Variants in NINL observed in about 807,000 individuals in gnomAD.
NINL encodes the protein ninein like.
Under a neutral mutation model 160.3 loss-of-function variants are expected in NINL, and 153 were observed. The ratio of observed to expected loss-of-function variants is 0.95; its 90% CI spans 0.84 to 1.09. NINL has a LOEUF of 1.09. Among genes scored for constraint, NINL ranks in the 50% least tolerant of loss-of-function variants. The probability of loss-of-function intolerance (pLI) is 0.00; values close to 1 mark genes in which losing one functional copy is unlikely to be tolerated. For synonymous variants in NINL, 800 were observed against 734.8 expected (o/e 1.09, Z -1.43); for missense variants, 1,829 against 1,764.0 (o/e 1.04, Z -0.66).
At chr20:25,490,515 A>G (rs2063606654) in intron 11 of NINL, among the ~76,000 whole-genome samples, 1 of 149,846 alleles carries the variant, frequency 6.7e-6, no homozygotes, top group Non-Finnish European at 1.5e-5. Context: ...AGTGGAGATC[A>G]TGCCACTGCA....
At chr20:25,509,262 G>A (rs371888009) in intron 5 of NINL, among the ~76,000 whole-genome samples, 61 of 152,178 alleles carry the variant, frequency 4.0e-4, no homozygotes, top group African/African-American at 1.3e-3. Flanking sequence ...CAACCCCTCC[G>A]AGACTGTCCT....
chr20:25,488,479 C>G (rs2063550831), intron 13 of NINL, among the ~76,000 whole-genome samples: 1 of 152,116 alleles, frequency 6.6e-6, no homozygotes, highest in Admixed American at 6.5e-5. Context: ...CCGCCTCGGC[C>G]TCCCAAAGTG....
chr20:25,460,588 G>C (rs1483377138), intron 21 of NINL, among the ~76,000 whole-genome samples: 4 of 152,176 alleles, frequency 2.6e-5, no homozygotes, highest in Admixed American at 6.5e-5. Context: ...CTCAAAAGTA[G>C]AGAAGGGTGC....
Position 25,503,918 on chromosome 20 carries a change from T to C in NINL, c.861+34A>G. On this transcript the variant is annotated intron_variant, in intron 7 of 23. Transcript: ENST00000278886. ...AGTCACCAGAGAGTGACAGCAGTGG[T>C]TGCTGGGTTCAGGATTTAACTGTTG... The C allele has an allele frequency of 2.5e-6, 4 of 1,613,588 alleles. No homozygotes were observed. In the East Asian group the frequency reaches 6.7e-5, roughly 27 times the overall value.
intron 3 of NINL, among the ~76,000 whole-genome samples, chr20:25,516,656 C>T (rs754297896): frequency 3.3e-5 from 5 of 152,106 alleles, no homozygotes; most frequent in Non-Finnish European, 5.9e-5. Context: ...AGTAGGGAGC[C>T]CTTTCACATC....
chr20:25,575,952 A>G (rs2065110611), intron 1 of NINL, among the ~76,000 whole-genome samples: 1 of 152,124 alleles, frequency 6.6e-6, no homozygotes, highest in Non-Finnish European at 1.5e-5. Context: ...GAAATCGGGT[A>G]TCAGACTTTG....
intron 2 of NINL, among the ~76,000 whole-genome samples, chr20:25,520,963 T>G (rs934521055): frequency 1.3e-5 from 2 of 152,240 alleles, no homozygotes; most frequent in Non-Finnish European, 2.9e-5. Flanking sequence ...ACGCCAGGTA[T>G]AGATGTCTCT....
chr20:25,503,001 C>T (rs994144948), intron 7 of NINL, among the ~76,000 whole-genome samples: 19 of 152,216 alleles, frequency 1.2e-4, no homozygotes, highest in Non-Finnish European at 2.4e-4. Context: ...ATGGGGAGGA[C>T]GGGAGGGAGT....
chr20:25,579,762 G>T (rs2065152393), intron 1 of NINL, among the ~76,000 whole-genome samples: 1 of 152,200 alleles, frequency 6.6e-6, no homozygotes, highest in South Asian at 2.1e-4. Context: ...GAAGCCACCT[G>T]CGTCCCTCAG....
chr20:25,476,815 T>A lies in NINL; in HGVS notation c.2476A>T (p.Met826Leu), dbSNP rs770860358. ...AGCCCATCTTTCGGCAGGGCCTGCA[T>A]CTCTGCTTCCAGGGAGGGCCCGTCC... ...RVDGPSLEAEMQALPKDGLVA... is the reference protein window; with the variant it reads ...RVDGPSLEAELQALPKDGLVA... The change falls in exon 17 of 24, where the codon ATG becomes TTG. Residue 826 changes from methionine (M) to leucine (L), a missense_variant. Transcript: ENST00000278886. The A allele has an allele frequency of 6.2e-7, 1 of 1,613,158 alleles. No individual in the cohort carries two copies. The highest frequency in any genetic ancestry group is 8.5e-7 in the Non-Finnish European group (1 of 1,179,926).
chr20:25,566,914 G>A (rs1482602762), intron 1 of NINL, among the ~76,000 whole-genome samples: 4 of 152,106 alleles, frequency 2.6e-5, no homozygotes, highest in Admixed American at 2.0e-4. Flanking sequence ...ACCACTTCGG[G>A]AGGTTGAGGC....
intron 5 of NINL, among the ~76,000 whole-genome samples, chr20:25,508,542 C>T (rs542345285): frequency 3.3e-5 from 5 of 152,246 alleles, no homozygotes; most frequent in Non-Finnish European, 7.3e-5. Context: ...CTGGGAGCCA[C>T]TGACCCTGCC....
At chr20:25,529,607 C>T (rs759978434) in intron 1 of NINL, among the ~76,000 whole-genome samples, 4 of 151,906 alleles carry the variant, frequency 2.6e-5, no homozygotes, top group Non-Finnish European at 4.4e-5. Flanking sequence ...TGAAAATGGA[C>T]AGAAAACCAT....
chr20:25,473,309 A>C (rs1312592525), intron 17 of NINL, among the ~76,000 whole-genome samples: 3 of 152,106 alleles, frequency 2.0e-5, no homozygotes, highest in Non-Finnish European at 4.4e-5. Context: ...TCACACTTTA[A>C]TAAAAAGTTA....
rs571244794 is a variant in NINL at position 25,573,446 on chromosome 20, C to T, written c.-12+12009G>A. On this transcript the variant is annotated intron_variant, in intron 1 of 23. Coordinates refer to ENST00000278886, the MANE Select transcript of NINL (RefSeq NM_025176.6). Reference sequence around the variant, plus strand: ...TGCGATTAGGAGCCTAGAGGCATAACACACAACACTGATGCTCTTCTACGC... The same window carrying T: ...TGCGATTAGGAGCCTAGAGGCATAATACACAACACTGATGCTCTTCTACGC... Among the ~76,000 whole-genome samples, 141 of 152,248 alleles carry T rather than the reference C, an allele frequency of 9.3e-4. 4 individuals are homozygous for T. The South Asian group carries it at 0.029, about 31-fold the overall frequency.
At chr20:25,470,325 G>A (rs946735849) in intron 17 of NINL, among the ~76,000 whole-genome samples, 2 of 152,174 alleles carry the variant, frequency 1.3e-5, no homozygotes, top group South Asian at 2.1e-4. Flanking sequence ...ACACTGCCAC[G>A]CCATCAAGTC....
intron 3 of NINL, among the ~76,000 whole-genome samples, chr20:25,515,777 TTTTG>T (rs1171791208): frequency 3.9e-5 from 6 of 152,010 alleles, no homozygotes; most frequent in African/African-American, 1.2e-4. Flanking sequence ...TTTGTTTTTG[TTTTG>T]TTTTTTTGAG....
chr20:25,498,111 G>T lies in NINL; in HGVS notation c.1169+99C>A, dbSNP rs1003167304. 23 of 1,412,194 alleles carry T rather than the reference G, an allele frequency of 1.6e-5. No individual in the cohort carries two copies. The African/African-American group carries it at 2.8e-4, about 17-fold the overall frequency. The allele number at this position is 1,412,194 out of a possible 1,614,324, so 87.5% of individuals were successfully genotyped here. The stretch of plus-strand genomic sequence containing the variant: ...TGCCCCAGGACTGGCCATGTGGGGT[G>T]GATAAGAGCTGACTGGTGTCCTTTG... On this transcript the variant is annotated intron_variant, in intron 9 of 23. Transcript: ENST00000278886.
intron 5 of NINL, among the ~76,000 whole-genome samples, chr20:25,508,911 T>A (rs1046691936): frequency 6.6e-6 from 1 of 152,232 alleles, no homozygotes; most frequent in African/African-American, 2.4e-5. Flanking sequence ...CTGAAGCACA[T>A]GACACCCCCC....
Sources: allele counts gnomAD v4.1 joint callset (sites outside exome capture counted in the v4.1 genomes callset), GRCh38; gene constraint gnomAD v4.1.1; transcripts MANE v1.5; gene names NCBI Gene and HGNC (gene_info 2026-07-23, HGNC 2026-07-21).